Variants in EPHB1 observed in about 807,000 individuals in gnomAD.
EPHB1 encodes the protein ephrin type-B receptor 1.
A neutral mutation model predicts 94.4 loss-of-function variants in EPHB1; 30 were observed. The ratio of observed to expected loss-of-function variants is 0.32; its 90% CI spans 0.24 to 0.43. The LOEUF is 0.43. Among genes scored for constraint, EPHB1 ranks in the 20% least tolerant of loss-of-function variants. The pLI is 1.00. For synonymous variants in EPHB1, 522 were observed against 489.1 expected, an observed-to-expected ratio of 1.07 and a Z score of -0.89; for missense variants, 1,055 against 1,308.3, an observed-to-expected ratio of 0.81 and a Z score of 2.99.
chr3:135,220,310 A>T (rs751423924), intron 12 of EPHB1, among the ~76,000 whole-genome samples: 1 of 152,172 alleles, frequency 6.6e-6, no homozygotes, highest in Non-Finnish European at 1.5e-5. Context: ...GGGAATATGC[A>T]GGAATGATTT....
intron 5 of EPHB1, among the ~76,000 whole-genome samples, chr3:135,151,463 C>G (rs1008205068): frequency 6.6e-6 from 1 of 152,160 alleles, no homozygotes; most frequent in Non-Finnish European, 1.5e-5. Flanking sequence ...GATCACACAC[C>G]TCTCACCTCT....
chr3:135,157,228 A>C (rs757942194), intron 6 of EPHB1, among the ~76,000 whole-genome samples: 1 of 152,142 alleles, frequency 6.6e-6, no homozygotes, highest in Non-Finnish European at 1.5e-5. Context: ...TATGTTAGAG[A>C]CCATATACTC....
intron 1 of EPHB1, among the ~76,000 whole-genome samples, chr3:134,916,762 C>T (rs2038581571): frequency 1.6e-5 from 1 of 61,042 alleles, no homozygotes; most frequent in Non-Finnish European, 2.9e-5. Context: ...TCCCGGCAAG[C>T]CAAGGGATCC....
chr3:134,807,879 T>C (rs1041510764), intron 1 of EPHB1, among the ~76,000 whole-genome samples: 1 of 151,994 alleles, frequency 6.6e-6, no homozygotes, highest in African/African-American at 2.4e-5. Context: ...CTGACGGAAA[T>C]GAGACACAGA....
intron 11 of EPHB1, among the ~76,000 whole-genome samples, chr3:135,198,448 T>G (rs948674695): frequency 1.3e-5 from 2 of 152,200 alleles, no homozygotes; most frequent in Non-Finnish European, 2.9e-5. Context: ...CTACCAACAT[T>G]TGTGACTAAT....
intron 3 of EPHB1, among the ~76,000 whole-genome samples, chr3:135,019,472 A>G (rs1935916903): frequency 6.6e-6 from 1 of 152,222 alleles, no homozygotes; most frequent in South Asian, 2.1e-4. Flanking sequence ...CAGAAAAATG[A>G]CATTTTCTTT....
At chr3:135,240,707 A>G (rs1449668864) in intron 12 of EPHB1, among the ~76,000 whole-genome samples, 2 of 152,172 alleles carry the variant, frequency 1.3e-5, no homozygotes, top group Admixed American at 1.3e-4. Context: ...GGCATGCTTC[A>G]TCACTCTTCT....
chr3:135,227,016 G>A (rs1943419026), intron 12 of EPHB1, among the ~76,000 whole-genome samples: 2 of 152,154 alleles, frequency 1.3e-5, no homozygotes, highest in Non-Finnish European at 2.9e-5. Flanking sequence ...GCAGACTACT[G>A]AAGGGTGGGG....
At chr3:134,882,765 C>CCTTTCTTTCTTTTTTCTTTCTTTCTCT (rs10635632) in intron 1 of EPHB1, among the ~76,000 whole-genome samples, 1 of 79,882 alleles carries the variant, frequency 1.3e-5, no homozygotes, top group Admixed American at 1.4e-4. Context: ...TTCCTTCCTT[C>CCTTTCTTTCTTTTTTCTTTCTTTCTCT]CTTTCTTTCT....
chr3:134,814,630 G>A (rs975373601), intron 1 of EPHB1, among the ~76,000 whole-genome samples: 1 of 152,134 alleles, frequency 6.6e-6, no homozygotes, highest in Non-Finnish European at 1.5e-5. Flanking sequence ...ATCCGAAATG[G>A]GGAACCTGCA....
At chr3:134,963,230 G>A (rs971591849) in intron 3 of EPHB1, among the ~76,000 whole-genome samples, 1 of 149,418 alleles carries the variant, frequency 6.7e-6, no homozygotes, top group Non-Finnish European at 1.5e-5. Context: ...AAATATTCAT[G>A]TTAAAAAGTG....
intron 3 of EPHB1, among the ~76,000 whole-genome samples, chr3:135,003,048 G>A (rs955088956): frequency 6.6e-6 from 1 of 152,170 alleles, no homozygotes; most frequent in Non-Finnish European, 1.5e-5. Context: ...TAATTGTGAT[G>A]TTAGGGTGTC....
intron 12 of EPHB1, among the ~76,000 whole-genome samples, chr3:135,231,318 T>A (rs2107724260): frequency 6.6e-6 from 1 of 152,298 alleles, no homozygotes; most frequent in East Asian, 1.9e-4. Context: ...AAAAGAGAGC[T>A]GTTTGCCCAG....
chr3:134,869,334 C>A (rs909717350), intron 1 of EPHB1, among the ~76,000 whole-genome samples: 1 of 152,162 alleles, frequency 6.6e-6, no homozygotes, highest in African/African-American at 2.4e-5. Flanking sequence ...CTGTTGGTTG[C>A]TCTCTCTGGG....
At chr3:135,055,455 T>G (rs1371234570) in intron 3 of EPHB1, among the ~76,000 whole-genome samples, 1 of 152,166 alleles carries the variant, frequency 6.6e-6, no homozygotes, top group African/African-American at 2.4e-5. Context: ...TGATCCCCAT[T>G]TTTTCAGATG....
intron 9 of EPHB1, 32 bp downstream of exon 9, chr3:135,167,038 C>A: frequency 6.2e-7 from 1 of 1,610,834 alleles, no homozygotes; most frequent in Non-Finnish European, 8.5e-7. Flanking sequence ...GGTGTCTGAC[C>A]CCCACAGGCC....
At chr3:134,985,614 T>G (rs536768462) in intron 3 of EPHB1, among the ~76,000 whole-genome samples, 1 of 152,308 alleles carries the variant, frequency 6.6e-6, no homozygotes, top group Admixed American at 6.5e-5. Flanking sequence ...CTCAGTTTCC[T>G]CTCTCTAAAA....
rs76072782 is a variant in EPHB1, at chr3:135,011,466, G to T, written c.805+59414G>T. 2.2e-4 allele frequency among the ~76,000 whole-genome samples: 33 copies of T among 152,208 alleles called. No homozygotes were observed. In the East Asian group the frequency reaches 6.4e-3, roughly 29 times the overall value. On this transcript the variant is annotated intron_variant, in intron 3 of 15. Transcript: ENST00000398015. ...TGAATAGTTTTCTGTTATATTTGTT[G>T]GTGTTCTCCTCTCCAGAGTATGAAT...
intron 3 of EPHB1, among the ~76,000 whole-genome samples, chr3:134,968,810 T>C (rs1933861208): frequency 6.6e-6 from 1 of 152,238 alleles, no homozygotes; most frequent in South Asian, 2.1e-4. Flanking sequence ...TGATGTATTA[T>C]GGCAACCTTT....
Sources: gnomAD v4.1 joint callset for allele counts (sites outside exome capture counted in the v4.1 genomes callset) on GRCh38, gnomAD v4.1.1 for gene constraint, MANE v1.5 for transcripts, NCBI Gene and HGNC (gene_info 2026-07-23, HGNC 2026-07-21) for gene names.